The following SCUBE3 variants were observed in gnomAD, a reference collection of about 807,000 sequenced individuals.
The protein encoded by SCUBE3 is signal peptide, CUB and EGF-like domain-containing protein 3.
Under a neutral mutation model 116.8 loss-of-function variants are expected in SCUBE3, and 33 were observed. The ratio of observed to expected loss-of-function variants is 0.28; its 90% CI spans 0.21 to 0.38. The LOEUF is 0.38. Among genes scored for constraint, SCUBE3 ranks in the 10% least tolerant of loss-of-function variants. The pLI, the probability that SCUBE3 is intolerant of heterozygous loss-of-function variation, is 1.00. For synonymous variants in SCUBE3, 418 were observed against 496.9 expected (o/e 0.84, Z 2.11); for missense variants, 1,007 against 1,324.8 (o/e 0.76, Z 3.72).
chr6:35,244,255 T>G lies in SCUBE3; in HGVS notation c.2239+125T>G. ...CAAACCAGTAATGGGCCCAGCTACT[T>G]GACCAACCATACCATCCTGCTTCCA... is the stretch of plus-strand genomic sequence containing the variant. On this transcript the variant is annotated intron_variant, in intron 17 of 21. Transcript: ENST00000274938. The surrounding 1 kb of genome is among the most constrained non-coding windows in gnomAD (Gnocchi z 4.3). 1.2e-6 allele frequency: 1 copy of G among 800,336 alleles called. No individual in the cohort carries two copies. The highest frequency in any genetic ancestry group is 1.7e-5 in the African/African-American group (1 of 58,240). 49.6% of individuals were successfully genotyped at this position (800,336 alleles called of 1,614,324 possible). A position where few individuals can be genotyped will look rare whatever the true frequency, so the allele number is the denominator to read the frequency against.
In SCUBE3 at chr6:35,252,453, T is replaced by C. The variant is rs1784585394; in HGVS notation, c.*3748T>C. The C allele has an allele frequency of 6.6e-6, 1 of 152,238 alleles. No homozygotes were observed. The highest frequency in any genetic ancestry group is 1.5e-5 in the Non-Finnish European group (1 of 68,050). 9.4% of individuals were successfully genotyped at this position (152,238 alleles called of 1,614,324 possible). ...TTTGAGGTGACTCTGGAATGGATTA[T>C]GAGGTCATATCTCAAAATGTCAGAA... On this transcript the variant is annotated 3_prime_UTR_variant, in exon 22 of 22. Coordinates refer to ENST00000274938, the MANE Select transcript of SCUBE3 (RefSeq NM_152753.4).
chr6:35,236,385 G>A (rs756225413), intron 6 of SCUBE3, among the ~76,000 whole-genome samples: 1 of 152,178 alleles, frequency 6.6e-6, no homozygotes, highest in Non-Finnish European at 1.5e-5. Flanking sequence ...TCTGGCCTTG[G>A]CATAAGATCT....
chr6:35,224,701 C>G (rs1783256667), intron 1 of SCUBE3: 1 of 149,624 alleles, frequency 6.7e-6, no homozygotes, highest in Non-Finnish European at 1.5e-5. Flanking sequence ...GCATCAAGAT[C>G]CACTCTAGTA....
rs568459664 is a variant in SCUBE3 at position 35,248,815 on chromosome 6, A to G, written c.*110A>G. 74 of 685,990 alleles carry G rather than the reference A, an allele frequency of 1.1e-4. No individual in the cohort carries two copies. Among genetic ancestry groups the G allele is most frequent in the African/African-American group, 9.1e-4 (49 of 53,866 alleles). 42.5% of individuals were successfully genotyped at this position (685,990 alleles called of 1,614,324 possible). On this transcript the variant is annotated 3_prime_UTR_variant, in exon 22 of 22. Coordinates refer to ENST00000274938, the MANE Select transcript of SCUBE3 (RefSeq NM_152753.4). ...AACTCTCTCCTCTCTTTTTGGAGGG[A>G]AAAAAAAAATATCACTACACAAACC... is the stretch of plus-strand genomic sequence containing the variant.
At position 35,214,120 on chromosome 6, in the gene SCUBE3, C is replaced by G. The variant is rs1380309100; in HGVS notation, c.-299C>G. Among the ~76,000 whole-genome samples, 1 of 152,206 alleles carries G rather than the reference C, an allele frequency of 6.6e-6. No individual in the cohort carries two copies. ...TTACACGGAGCAGCCCCGCCGCCGC[C>G]GCTGGCAGAGGCCGGCTTGGAGAGG... On this transcript the variant is annotated 5_prime_UTR_variant, in exon 1 of 22. Transcript: ENST00000274938. The surrounding 1 kb of genome is among the most constrained non-coding windows in gnomAD (Gnocchi z 6.3).
Position 35,251,516 on chromosome 6 carries a change from A to G in SCUBE3, c.*2811A>G, listed in dbSNP as rs1402537938. ...TCTCTTGGAAAGCCAAACGGTGACC[A>G]TGCTTCTTAATTTATGCCTTCAGGG... On this transcript the variant is annotated 3_prime_UTR_variant, in exon 22 of 22. Transcript: ENST00000274938. 1 of 152,230 alleles carries G rather than the reference A, an allele frequency of 6.6e-6. No homozygotes were observed. Among genetic ancestry groups the G allele is most frequent in the Non-Finnish European group, 1.5e-5 (1 of 68,060 alleles). The allele number at this position is 152,230 out of a possible 1,614,324, so 9.4% of individuals were successfully genotyped here.
chr6:35,249,451 CTG>C lies in SCUBE3; in HGVS notation c.*748_*749del, dbSNP rs935044980. 2 of 152,220 alleles carry C rather than the reference CTG, an allele frequency of 1.3e-5. No homozygotes were observed. Among genetic ancestry groups the C allele is most frequent in the African/African-American group, 4.8e-5 (2 of 41,434 alleles). The allele number at this position is 152,220 out of a possible 1,614,324, so 9.4% of individuals were successfully genotyped here. A position where few individuals can be genotyped will look rare whatever the true frequency, so the allele number is the denominator to read the frequency against. The stretch of plus-strand genomic sequence containing the variant: ...CCGCTGTAGCTCCCTGAGAGAAAGA[CTG>C]TAACTCTGCAGGACAGAAACAAGGT... On this transcript the variant is annotated 3_prime_UTR_variant, in exon 22 of 22. Coordinates refer to ENST00000274938, the MANE Select transcript of SCUBE3 (RefSeq NM_152753.4).
At position 35,241,101 on chromosome 6, in the gene SCUBE3, C is replaced by A; in HGVS notation, c.1070-40C>A. ...GCCTACTCTCCGGCTCCTCCTCCAACTCCATCGTTGTTTTTCTGTCTCCCT... is the reference window on the plus strand; with the variant it reads ...GCCTACTCTCCGGCTCCTCCTCCAAATCCATCGTTGTTTTTCTGTCTCCCT... On this transcript the variant is annotated intron_variant, in intron 9 of 21. Coordinates refer to ENST00000274938, the MANE Select transcript of SCUBE3 (RefSeq NM_152753.4). The surrounding 1 kb of genome is among the most constrained non-coding windows in gnomAD (Gnocchi z 4.1). The A allele has an allele frequency of 6.4e-7, 1 of 1,560,366 alleles. No homozygotes were observed. Among genetic ancestry groups the A allele is most frequent in the Non-Finnish European group, 8.7e-7 (1 of 1,144,456 alleles).
Position 35,214,521 on chromosome 6 carries a change from C to G in SCUBE3, c.85+18C>G. 1.4e-6 allele frequency: 2 copies of G among 1,448,782 alleles called. No homozygotes were observed. The highest frequency in any genetic ancestry group is 1.8e-6 in the Non-Finnish European group (2 of 1,095,754). 89.7% of individuals were successfully genotyped at this position (1,448,782 alleles called of 1,614,324 possible). On this transcript the variant is annotated intron_variant, in intron 1 of 21. Transcript: ENST00000274938. The surrounding 1 kb of genome is among the most constrained non-coding windows in gnomAD (Gnocchi z 6.3). Reference sequence around the variant, plus strand: ...CGCGCAAGGTAAGGAAGGAGGGGCGCGCGGCCTGGGGGCTGTCCTGGCTGC... The same window carrying G: ...CGCGCAAGGTAAGGAAGGAGGGGCGGGCGGCCTGGGGGCTGTCCTGGCTGC...
At position 35,243,617 on chromosome 6, in the gene SCUBE3, T is replaced by C. The variant is rs759496858; in HGVS notation, c.1933T>C (p.Tyr645His). 6.2e-6 allele frequency: 10 copies of C among 1,613,406 alleles called. No homozygotes were observed. The African/African-American group carries it at 1.3e-4, about 22-fold the overall frequency. ...KCVSCPQGTY[Y>H]HGQTEQCVPC... is the part of the protein sequence containing the mutation. Reference sequence around the variant, plus strand: ...AGTCAGCTGCCCGCAGGGAACGTATTACCACGGCCAGACGGAGCAGTGTGT... The same window carrying C: ...AGTCAGCTGCCCGCAGGGAACGTATCACCACGGCCAGACGGAGCAGTGTGT... The change falls in exon 16 of 22, where the codon TAC (tyrosine) becomes CAC (histidine). Residue 645 changes from tyrosine (Y) to histidine (H), a missense_variant. By Grantham distance (83) the Tyr-to-His change is moderately conservative (BLOSUM62 2). Coordinates refer to ENST00000274938, the MANE Select transcript of SCUBE3 (RefSeq NM_152753.4). The surrounding 1 kb of genome is among the most constrained non-coding windows in gnomAD (Gnocchi z 6.6).
chr6:35,230,387 G>T (rs974300938), intron 3 of SCUBE3, among the ~76,000 whole-genome samples: 8 of 152,204 alleles, frequency 5.3e-5, no homozygotes. Flanking sequence ...TATAGAGAGG[G>T]TCAAGGGACA....
rs1345842975 is a variant in SCUBE3 at position 35,231,721 on chromosome 6, A to C, written c.335-4A>C. ...TGACCCCACTGACTACCTATCCTGCACAGATGTGGACGAGTGTGCCGAGGG... is the reference window on the plus strand; with the variant it reads ...TGACCCCACTGACTACCTATCCTGCCCAGATGTGGACGAGTGTGCCGAGGG... On this transcript the variant is annotated splice_polypyrimidine_tract_variant and splice_region_variant and intron_variant, in intron 3 of 21. Coordinates refer to ENST00000274938, the MANE Select transcript of SCUBE3 (RefSeq NM_152753.4). This position sits in a 1 kb window ranked among gnomAD's most constrained non-coding sequence, Gnocchi z 4.2. The C allele has an allele frequency of 6.2e-7, 1 of 1,609,094 alleles. No individual in the cohort carries two copies. Among genetic ancestry groups the C allele is most frequent in the Non-Finnish European group, 8.5e-7 (1 of 1,176,168 alleles).
chr6:35,225,637 A>T (rs1042044163), intron 1 of SCUBE3, among the ~76,000 whole-genome samples: 1 of 152,206 alleles, frequency 6.6e-6, no homozygotes, highest in African/African-American at 2.4e-5. Context: ...TGAAGAGCTG[A>T]ACGGAAACCT....
Position 35,244,581 on chromosome 6 carries a change from G to C in SCUBE3, c.2240-69G>C. 1 of 1,249,226 alleles carries C rather than the reference G, an allele frequency of 8.0e-7. No individual in the cohort carries two copies. 77.4% of individuals were successfully genotyped at this position (1,249,226 alleles called of 1,614,324 possible). A position where few individuals can be genotyped will look rare whatever the true frequency, so the allele number is the denominator to read the frequency against. On this transcript the variant is annotated intron_variant, in intron 17 of 21. Transcript: ENST00000274938. This position sits in a 1 kb window ranked among gnomAD's most constrained non-coding sequence, Gnocchi z 4.3. ...TGATTCTCCAGGATGAATGTATCCT[G>C]TCCATCCCATGCCCCGTAACTCCCA...
chr6:35,237,867 A>G, intron 6 of SCUBE3, 35 bp from the exon 7 acceptor site: 1 of 1,371,760 alleles, frequency 7.3e-7, no homozygotes, highest in South Asian at 1.2e-5. Context: ...CAGGCTTGTA[A>G]CCTCATTACC....
intron 6 of SCUBE3, among the ~76,000 whole-genome samples, chr6:35,236,453 CTT>C (rs1348980023): frequency 6.6e-6 from 1 of 152,236 alleles, no homozygotes; most frequent in Non-Finnish European, 1.5e-5. Flanking sequence ...TAAAAGCACT[CTT>C]TAGCGGGTGG....
chr6:35,231,692 C>G lies in SCUBE3; in HGVS notation c.335-33C>G. On this transcript the variant is annotated intron_variant, in intron 3 of 21. Transcript: ENST00000274938. This position sits in a 1 kb window ranked among gnomAD's most constrained non-coding sequence, Gnocchi z 4.2. ...GATATACCCTGGACCCTGCCTGTACCCCATGACCCCACTGACTACCTATCC... is the reference window on the plus strand; with the variant it reads ...GATATACCCTGGACCCTGCCTGTACGCCATGACCCCACTGACTACCTATCC... 1 of 1,581,692 alleles carries G rather than the reference C, an allele frequency of 6.3e-7. No individual in the cohort carries two copies.
rs753613706 is a variant in SCUBE3 at position 35,243,557 on chromosome 6, C to A, written c.1910-37C>A. The A allele has an allele frequency of 1.0e-4, 153 of 1,516,606 alleles. 1 individual carries two copies. In the South Asian group the frequency reaches 1.8e-3, roughly 18 times the overall value. The allele number at this position is 1,516,606 out of a possible 1,614,324, so 93.9% of individuals were successfully genotyped here. On this transcript the variant is annotated intron_variant, in intron 15 of 21. Coordinates refer to ENST00000274938, the MANE Select transcript of SCUBE3 (RefSeq NM_152753.4). The surrounding 1 kb of genome is among the most constrained non-coding windows in gnomAD (Gnocchi z 6.6). The stretch of plus-strand genomic sequence containing the variant: ...TCCCAGGCCTGGGTGGTGGGAAATG[C>A]GGGGGTGGGTGGCTAGCGCGGCCGA...
Position 35,213,974 on chromosome 6 carries a change from G to A in SCUBE3, c.-445G>A, listed in dbSNP as rs1782780578. Among the ~76,000 whole-genome samples the A allele has an allele frequency of 6.6e-6, 1 of 152,126 alleles. No homozygotes were observed. Among genetic ancestry groups the A allele is most frequent in the African/African-American group, 2.4e-5 (1 of 41,458 alleles). On this transcript the variant is annotated 5_prime_UTR_variant, in exon 1 of 22. Coordinates refer to ENST00000274938, the MANE Select transcript of SCUBE3 (RefSeq NM_152753.4). This position sits in a 1 kb window ranked among gnomAD's most constrained non-coding sequence, Gnocchi z 4.5. Reference sequence around the variant, plus strand: ...AGAAAGAGCGAGAGAGGAAGAAAGAGAGGCAGAAAGGGCGTGTTTCTGGCG... The same window carrying A: ...AGAAAGAGCGAGAGAGGAAGAAAGAAAGGCAGAAAGGGCGTGTTTCTGGCG...
Sources: gnomAD v4.1 joint callset for allele counts (sites outside exome capture counted in the v4.1 genomes callset) on GRCh38, gnomAD v4.1.1 for gene constraint, Gnocchi (gnomAD v3.1) non-coding constraint, MANE v1.5 for transcripts, NCBI Gene and HGNC (gene_info 2026-07-23, HGNC 2026-07-21) for gene names.